The following ATG9A variants were observed in gnomAD, a reference collection of about 807,000 sequenced individuals.
ATG9A encodes the protein autophagy-related protein 9A.
Under a neutral mutation model 87.1 loss-of-function variants are expected in ATG9A, and 21 were observed. The observed-to-expected ratio is 0.24, with a 90% CI of 0.17 to 0.35. The LOEUF (loss-of-function observed/expected upper bound fraction) is 0.35, where lower values mean the gene tolerates loss of function less well. Ranked by LOEUF, ATG9A falls within the 10% of genes least tolerant of loss-of-function variation. The pLI is 1.00. For synonymous variants in ATG9A, 422 were observed against 441.3 expected, an observed-to-expected ratio of 0.96 and a Z score of 0.55; for missense variants, 836 against 1,107.3, an observed-to-expected ratio of 0.76 and a Z score of 3.48.
chr2:219,225,401 C>T lies in ATG9A; in HGVS notation c.374+10G>A. ...AAGGCTATGGTGTCCTCTTGACTTG[C>T]AGCCCTTACCTGGCACTACAGACTT... On this transcript the variant is annotated intron_variant, in intron 6 of 15. Coordinates refer to ENST00000361242, the MANE Select transcript of ATG9A (RefSeq NM_001077198.3). 1.2e-6 allele frequency: 2 copies of T among 1,613,206 alleles called. No homozygotes were observed. The highest frequency in any genetic ancestry group is 2.2e-5 in the East Asian group (1 of 44,882).
rs1400157486 is a variant in ATG9A, at chr2:219,224,357, G to C, written c.1014C>G (p.Cys338Trp). ...GARCWSLYGR[C>W]YLRHFNELEH... ...CCAGCTCGTTGAAGTGGCGGAGGTA[G>C]CAGCGGCCATAGAGTGACCAGCAGC... Residue 338 changes from cysteine (C) to tryptophan (W), a missense_variant, in exon 8 of 16, where the codon TGC becomes TGG. Coordinates refer to ENST00000361242, the MANE Select transcript of ATG9A (RefSeq NM_001077198.3). This position sits in a 1 kb window ranked among gnomAD's most constrained non-coding sequence, Gnocchi z 7.7. 1 of 1,613,568 alleles carries C rather than the reference G, an allele frequency of 6.2e-7. No homozygotes were observed. Among genetic ancestry groups the C allele is most frequent in the Admixed American group, 1.7e-5 (1 of 60,004 alleles).
chr2:219,226,992 T>A, intron 4 of ATG9A, 59 bp from the exon 5 acceptor site: 1 of 1,403,110 alleles, frequency 7.1e-7, no homozygotes, highest in Non-Finnish European at 1.0e-6. Context: ...CAGACTTTGG[T>A]GTCAACACAC....
At chr2:219,221,048 CCT>C (rs759972401) in intron 14 of ATG9A, 30 bp downstream of exon 14, 12 of 1,608,278 alleles carry the variant, frequency 7.5e-6, no homozygotes, top group African/African-American at 1.3e-5. Flanking sequence ...TTCCCTGCAG[CCT>C]CTGTTTCCTC....
rs757913888 is a variant in ATG9A at position 219,224,119 on chromosome 2, C to T, written c.1252G>A (p.Val418Met). 2.5e-6 allele frequency: 4 copies of T among 1,613,172 alleles called. No homozygotes were observed. Among genetic ancestry groups the T allele is most frequent in the African/African-American group, 2.7e-5 (2 of 75,046 alleles). The change falls in exon 8 of 16, where the codon GTG (valine) becomes ATG (methionine). Residue 418 changes from valine to methionine, a missense_variant. This residue lies in a region of ATG9A where 512 missense variants were observed against 759.6 expected (regional missense o/e 0.67). Coordinates refer to ENST00000361242, the MANE Select transcript of ATG9A (RefSeq NM_001077198.3). This position sits in a 1 kb window ranked among gnomAD's most constrained non-coding sequence, Gnocchi z 7.7. Reference protein sequence around the residue: ...LTTVTLLGVTVTVCRSFIPDQ... With the variant: ...LTTVTLLGVTMTVCRSFIPDQ... ...GCCCTGGCCCACCTGCACACGGTCA[C>T]GGTGACCCCCAGGAGTGTGACGGTG... is the stretch of plus-strand genomic sequence containing the variant.
At position 219,220,370 on chromosome 2, in the gene ATG9A, G is replaced by T; in HGVS notation, c.*77C>A. The stretch of plus-strand genomic sequence containing the variant: ...GGGCCAGGGAACACTCAGAGGAGCC[G>T]TCCCATGGCAGGCAGACGGGATGGC... On this transcript the variant is annotated 3_prime_UTR_variant, in exon 16 of 16. Transcript: ENST00000361242. 1.3e-6 allele frequency: 2 copies of T among 1,562,030 alleles called. No individual in the cohort carries two copies. Among genetic ancestry groups the T allele is most frequent in the Non-Finnish European group, 1.8e-6 (2 of 1,135,712 alleles).
intron 2 of ATG9A, among the ~76,000 whole-genome samples, 176 bp downstream of exon 2, chr2:219,228,258 T>G (rs1479423482): frequency 6.6e-6 from 1 of 152,226 alleles, no homozygotes; most frequent in African/African-American, 2.4e-5. Flanking sequence ...GGGTGTCTAC[T>G]GCTGCTTTCC....
At position 219,225,484 on chromosome 2, in the gene ATG9A, T is replaced by C. The variant is rs756231746; in HGVS notation, c.301A>G (p.Ser101Gly). Residue 101 changes from serine (S) to glycine (G), a missense_variant, in exon 6 of 16, where the codon AGT becomes GGT. Physicochemically the swap from Ser to Gly is moderately conservative, Grantham distance 56 (BLOSUM62 0). Coordinates refer to ENST00000361242, the MANE Select transcript of ATG9A (RefSeq NM_001077198.3). ...ILFANKMVNH[S>G]LHPTEPVKVT... ...TTGACGGGTTCAGTAGGGTGAAGACTGTGGTTCACCATCTTGTTGGCAAAT... is the reference window on the plus strand; with the variant it reads ...TTGACGGGTTCAGTAGGGTGAAGACCGTGGTTCACCATCTTGTTGGCAAAT... The C allele has an allele frequency of 5.0e-6, 8 of 1,614,142 alleles. No individual in the cohort carries two copies. The highest frequency in any genetic ancestry group is 1.6e-4 in the Middle Eastern group (1 of 6,062).
At chr2:219,220,665 A>G in intron 15 of ATG9A, 82 bp downstream of exon 15, 1 of 1,556,050 alleles carries the variant, frequency 6.4e-7, no homozygotes, top group Non-Finnish European at 8.8e-7. Context: ...GGTGGGGCAT[A>G]TCTTCCTTCC....
intron 13 of ATG9A, among the ~76,000 whole-genome samples, chr2:219,221,818 CAAG>C (rs929185344): frequency 5.9e-5 from 9 of 152,018 alleles, no homozygotes; most frequent in African/African-American, 2.2e-4. Context: ...TGCAGAGACC[CAAG>C]AAGAAGGAGG....
rs541070330 is a variant in ATG9A, at chr2:219,227,743, G to C, written c.147+27C>G. 39 of 1,612,528 alleles carry C rather than the reference G, an allele frequency of 2.4e-5. No individual in the cohort carries two copies. In the South Asian group the frequency reaches 4.1e-4, roughly 17 times the overall value. ...TTAGAGAGACATTAAAGGTCCCAGA[G>C]CTCCAACTCAGAAACACAAAGGATA... On this transcript the variant is annotated intron_variant, in intron 4 of 15. Coordinates refer to ENST00000361242, the MANE Select transcript of ATG9A (RefSeq NM_001077198.3).
Position 219,225,057 on chromosome 2 carries a change from C to T in ATG9A, c.516+14G>A. Reference sequence around the variant, plus strand: ...CTTAGACTATGGGCTAACTGCCCAACTTCCCAGTCTTACCATAGGGATGCG... The same window carrying T: ...CTTAGACTATGGGCTAACTGCCCAATTTCCCAGTCTTACCATAGGGATGCG... On this transcript the variant is annotated intron_variant, in intron 7 of 15. Transcript: ENST00000361242. The T allele has an allele frequency of 6.2e-7, 1 of 1,614,166 alleles. No individual in the cohort carries two copies. The highest frequency in any genetic ancestry group is 8.5e-7 in the Non-Finnish European group (1 of 1,180,012).
At chr2:219,221,963 C>T in intron 13 of ATG9A, 87 bp downstream of exon 13, 3 of 1,201,430 alleles carry the variant, frequency 2.5e-6, no homozygotes, top group Non-Finnish European at 3.5e-6. Context: ...GGTGGCAGAA[C>T]AAGTAAATGG....
chr2:219,220,852 C>G lies in ATG9A; in HGVS notation c.2409G>C (p.Arg803=). The change falls in exon 15 of 16, where the codon CGG becomes CGC. Residue 803 remains arginine, a synonymous_variant. Coordinates refer to ENST00000361242, the MANE Select transcript of ATG9A (RefSeq NM_001077198.3). ...TVPRVPSHFS[R]LPLGGWAEDG... is the part of the protein sequence containing the mutation. ...CTTCTGCCCACCCTCCAAGAGGCAG[C>G]CGAGAGAAATGAGAGGGAACCCTGG... 2 of 1,613,218 alleles carry G rather than the reference C, an allele frequency of 1.2e-6. No homozygotes were observed. Among genetic ancestry groups the G allele is most frequent in the Non-Finnish European group, 1.7e-6 (2 of 1,179,950 alleles).
Position 219,225,074 on chromosome 2 carries a change from A to G in ATG9A, c.513T>C (p.Pro171=). The G allele has an allele frequency of 6.2e-7, 1 of 1,614,168 alleles. No individual in the cohort carries two copies. Among genetic ancestry groups the G allele is most frequent in the Non-Finnish European group, 8.5e-7 (1 of 1,180,024 alleles). ...CTGCCCAACTTCCCAGTCTTACCAT[A>G]GGGATGCGCAGAGCGTGCAGGTAGA... The part of the protein sequence containing the change: ...HSFYLHALRI[P]MSALPYCTWQ... Residue 171 remains proline (P), a synonymous_variant, in exon 7 of 16, where the codon CCT becomes CCC. Coordinates refer to ENST00000361242, the MANE Select transcript of ATG9A (RefSeq NM_001077198.3).
chr2:219,221,456 C>T lies in ATG9A; in HGVS notation c.2146-154G>A, dbSNP rs187883072. On this transcript the variant is annotated intron_variant, in intron 13 of 15. Transcript: ENST00000361242. ...TATGTTAATAGTGTGTAATATACCTCTGATCTTTACAGGTTACATTCACAG... is the reference window on the plus strand; with the variant it reads ...TATGTTAATAGTGTGTAATATACCTTTGATCTTTACAGGTTACATTCACAG... Among the ~76,000 whole-genome samples the T allele has an allele frequency of 2.2e-3, 333 of 152,318 alleles. 1 individual carries two copies. The highest frequency in any genetic ancestry group is 7.6e-3 in the African/African-American group (318 of 41,584).
In ATG9A at chr2:219,223,552, C is replaced by T; in HGVS notation, c.1599+33G>A. 1 of 1,567,256 alleles carries T rather than the reference C, an allele frequency of 6.4e-7. No homozygotes were observed. Among genetic ancestry groups the T allele is most frequent in the Non-Finnish European group, 8.6e-7 (1 of 1,157,108 alleles). On this transcript the variant is annotated intron_variant, in intron 10 of 15. Transcript: ENST00000361242. This position sits in a 1 kb window ranked among gnomAD's most constrained non-coding sequence, Gnocchi z 4.7. ...AAGACACTGTATGTTCCAGCATCAT[C>T]CCAGGCCACCTGGCTCCCTCCTCTC...
chr2:219,221,146 G>A lies in ATG9A; in HGVS notation c.2302C>T (p.Arg768Trp), dbSNP rs780157416. The A allele has an allele frequency of 9.3e-6, 15 of 1,610,382 alleles. No individual in the cohort carries two copies. Among genetic ancestry groups the A allele is most frequent in the Middle Eastern group, 1.7e-4 (1 of 6,060 alleles). The change falls in exon 14 of 16, where the codon CGG becomes TGG. Residue 768 changes from arginine (R) to tryptophan (W), a missense_variant. Physicochemically the swap from Arg to Trp is moderately radical, Grantham distance 101 (BLOSUM62 -3). This residue lies in a region of ATG9A where 324 missense variants were observed against 347.6 expected (regional missense o/e 0.93). Coordinates refer to ENST00000361242, the MANE Select transcript of ATG9A (RefSeq NM_001077198.3). ...GCAGTGGTCTCAGGAGCTCCAGGCC[G>A]GGGTGCTGCACAGGGATAGCTAGCA... ...RSASYPCAAP[R>W]PGAPETTALH... is the part of the protein sequence containing the mutation.
rs757617193 is a variant in ATG9A at position 219,227,774 on chromosome 2, GAGA to G, written c.140_142del (p.Phe47del). The G allele has an allele frequency of 5.0e-6, 8 of 1,613,940 alleles. No homozygotes were observed. The highest frequency in any genetic ancestry group is 2.2e-5 in the East Asian group (1 of 44,898). On this transcript the variant is annotated inframe_deletion, in exon 4 of 16. Transcript: ENST00000361242. The stretch of plus-strand genomic sequence containing the variant: ...ACTCAGAAACACAAAGGATATTCGA[GAGA>G]AGAAGAGGTCAAGGTTTTCAATATG...
In ATG9A at chr2:219,223,899, G is replaced by A. The variant is rs779635907; in HGVS notation, c.1389C>T (p.Asp463=). ...QGNAHRSQTR[D]EFAQLFQYKA... The stretch of plus-strand genomic sequence containing the variant: ...TGTACTGGAAGAGCTGGGCAAACTC[G>A]TCCCGGGTCTGCGAGCGGTGGGCAT... Residue 463 remains aspartate (D), a synonymous_variant, in exon 9 of 16, where the codon GAC becomes GAT. Coordinates refer to ENST00000361242, the MANE Select transcript of ATG9A (RefSeq NM_001077198.3). This position sits in a 1 kb window ranked among gnomAD's most constrained non-coding sequence, Gnocchi z 4.7. 8.7e-6 allele frequency: 14 copies of A among 1,614,052 alleles called. No homozygotes were observed. Among genetic ancestry groups the A allele is most frequent in the African/African-American group, 5.3e-5 (4 of 74,914 alleles).
Sources: gnomAD v4.1 joint callset for allele counts (sites outside exome capture counted in the v4.1 genomes callset) on GRCh38, gnomAD v4.1.1 for gene constraint, gnomAD v4.1.1 regional missense constraint, Gnocchi (gnomAD v3.1) non-coding constraint, MANE v1.5 for transcripts, NCBI Gene and HGNC (gene_info 2026-07-23, HGNC 2026-07-21) for gene names.